The following ELP4 variants were observed in gnomAD, a reference collection of about 807,000 sequenced individuals.
ELP4 encodes the protein elongator complex protein 4.
Under a neutral mutation model 48.9 loss-of-function variants are expected in ELP4, and 51 were observed. The ratio of observed to expected loss-of-function variants is 1.04; its 90% CI spans 0.83 to 1.32. The LOEUF (loss-of-function observed/expected upper bound fraction) is 1.32, where lower values mean the gene tolerates loss of function less well. ELP4 is among the 40% of genes most tolerant of loss of function. The probability of loss-of-function intolerance (pLI) is 0.00; values close to 1 mark genes in which losing one functional copy is unlikely to be tolerated. For missense variants in ELP4, 519 were observed against 514.6 expected, an observed-to-expected ratio of 1.01 and a Z score of -0.08; for synonymous variants, 210 against 189.2, an observed-to-expected ratio of 1.11 and a Z score of -0.90.
intron 5 of ELP4, among the ~76,000 whole-genome samples, chr11:31,604,661 T>C (rs1281774534): frequency 6.6e-6 from 1 of 151,962 alleles, no homozygotes; most frequent in African/African-American, 2.4e-5. Flanking sequence ...GATGAGCTAT[T>C]AAATGAAGAT....
rs1293609112 is a variant in ELP4, at chr11:31,607,443, G to A, written c.653+3536G>A. Among the ~76,000 whole-genome samples the A allele has an allele frequency of 3.9e-5, 6 of 152,156 alleles. No homozygotes were observed. In the South Asian group the frequency reaches 6.2e-4, roughly 16 times the overall value. ...CACCTTTTTCCTGCATTCTCCAAAG[G>A]AGAGAAATGATGTGTTCTCACATGG... On this transcript the variant is annotated intron_variant, in intron 5 of 9. Transcript: ENST00000640961.
intron 3 of ELP4, among the ~76,000 whole-genome samples, chr11:31,593,391 G>T (rs1957621416): frequency 1.3e-5 from 2 of 151,940 alleles, no homozygotes; most frequent in African/African-American, 2.4e-5. Context: ...ACAGCCATGT[G>T]CCACCACACC....
intron 9 of ELP4, among the ~76,000 whole-genome samples, chr11:31,665,740 A>G (rs960905434): frequency 7.1e-6 from 1 of 140,574 alleles, no homozygotes; most frequent in Non-Finnish European, 1.5e-5. Flanking sequence ...CTGTAGCCTC[A>G]ACCTCCCAGA....
chr11:31,772,949 G>A (rs1948178757), intron 9 of ELP4, among the ~76,000 whole-genome samples: 1 of 152,286 alleles, frequency 6.6e-6, no homozygotes, highest in South Asian at 2.1e-4. Flanking sequence ...CTTCTCTCTG[G>A]AAGAAACTCC....
At chr11:31,575,793 C>G (rs1329663491) in intron 3 of ELP4, among the ~76,000 whole-genome samples, 2 of 152,136 alleles carry the variant, frequency 1.3e-5, no homozygotes, top group Non-Finnish European at 2.9e-5. Flanking sequence ...GAATGAAGCA[C>G]TAAACATGGA....
At chr11:31,568,808 G>T (rs1408431895) in intron 3 of ELP4, among the ~76,000 whole-genome samples, 1 of 152,032 alleles carries the variant, frequency 6.6e-6, no homozygotes, top group African/African-American at 2.4e-5. Flanking sequence ...ATCTAGGCTG[G>T]GTTCAGTGGA....
At chr11:31,609,267 G>A (rs1183032589) in intron 5 of ELP4, among the ~76,000 whole-genome samples, 1 of 152,112 alleles carries the variant, frequency 6.6e-6, no homozygotes, top group Non-Finnish European at 1.5e-5. Context: ...CATTTGGCAC[G>A]ATCTCGTTGG....
At chr11:31,649,303 C>A (rs1945272932) in intron 8 of ELP4, 1 of 151,516 alleles carries the variant, frequency 6.6e-6, no homozygotes, top group Non-Finnish European at 1.5e-5. Context: ...GATCAGTGTC[C>A]TCGGGATGGC....
At chr11:31,668,720 GTA>G (rs879356838) in intron 9 of ELP4, among the ~76,000 whole-genome samples, 2,362 of 100,340 alleles carry the variant, frequency 0.024, 48 homozygotes, top group East Asian at 0.053. Flanking sequence ...GTGTGTGTGT[GTA>G]AGAACCCTGT....
intron 1 of ELP4, among the ~76,000 whole-genome samples, chr11:31,513,311 A>G (rs1277291454): frequency 6.6e-6 from 1 of 152,198 alleles, no homozygotes; most frequent in East Asian, 1.9e-4. Flanking sequence ...CCAGCTAATA[A>G]TTGTGTCATA....
At chr11:31,548,654 C>T (rs994337400) in intron 3 of ELP4, among the ~76,000 whole-genome samples, 15 of 151,998 alleles carry the variant, frequency 9.9e-5, no homozygotes, top group African/African-American at 3.6e-4. Context: ...TCATATGGAA[C>T]CAAAAAAGAG....
At chr11:31,613,476 A>G (rs1958019206) in intron 5 of ELP4, among the ~76,000 whole-genome samples, 1 of 152,078 alleles carries the variant, frequency 6.6e-6, no homozygotes, top group Non-Finnish European at 1.5e-5. Context: ...TCCTCTTTAC[A>G]TTTGTTTATT....
chr11:31,709,155 A>G (rs1049596546), intron 9 of ELP4, among the ~76,000 whole-genome samples: 2 of 152,186 alleles, frequency 1.3e-5, no homozygotes, highest in African/African-American at 4.8e-5. Flanking sequence ...ATATAAGTTC[A>G]AAATGGGCAA....
At chr11:31,720,719 CTAAG>C (rs1237701887) in intron 9 of ELP4, among the ~76,000 whole-genome samples, 1 of 152,162 alleles carries the variant, frequency 6.6e-6, no homozygotes, top group East Asian at 1.9e-4. Context: ...GTGAGTGGTA[CTAAG>C]TGTGACATAC....
At chr11:31,734,529 CAACAAGGAA>C (rs1947261487) in intron 9 of ELP4, among the ~76,000 whole-genome samples, 1 of 152,064 alleles carries the variant, frequency 6.6e-6, no homozygotes, top group Non-Finnish European at 1.5e-5. Flanking sequence ...ATTGAAAAGA[CAACAAGGAA>C]AACTTAGTTG....
intron 9 of ELP4, among the ~76,000 whole-genome samples, chr11:31,722,278 G>T (rs1212504037): frequency 6.6e-6 from 1 of 152,126 alleles, no homozygotes; most frequent in Non-Finnish European, 1.5e-5. Context: ...AAACACAAAT[G>T]ATTAAGACTT....
At chr11:31,701,495 C>T (rs1428451827) in intron 9 of ELP4, among the ~76,000 whole-genome samples, 1 of 151,830 alleles carries the variant, frequency 6.6e-6, no homozygotes, top group Non-Finnish European at 1.5e-5. Context: ...CTTCTAATCT[C>T]ACTCAATTTA....
intron 1 of ELP4, among the ~76,000 whole-genome samples, chr11:31,518,494 A>ATTTTT (rs539723681): frequency 8.1e-6 from 1 of 122,844 alleles, no homozygotes. Context: ...CATAGTTCAG[A>ATTTTT]TTTTTTTTTT....
At chr11:31,564,322 G>C (rs1957069619) in intron 3 of ELP4, among the ~76,000 whole-genome samples, 2 of 151,040 alleles carry the variant, frequency 1.3e-5, no homozygotes, top group Non-Finnish European at 2.9e-5. Flanking sequence ...AATTTTTATA[G>C]AGTAGATTTT....
Sources: gnomAD v4.1 joint callset for allele counts (sites outside exome capture counted in the v4.1 genomes callset) on GRCh38, gnomAD v4.1.1 for gene constraint, MANE v1.5 for transcripts, NCBI Gene and HGNC (gene_info 2026-07-23, HGNC 2026-07-21) for gene names.